Variants in ATAD2 observed in about 807,000 individuals in gnomAD.
ATAD2 encodes ATPase family AAA domain-containing protein 2.
In ATAD2, 62 loss-of-function variants were observed where a neutral mutation model predicts 168.9. The ratio of observed to expected loss-of-function variants is 0.37; its 90% confidence interval spans 0.30 to 0.45. ATAD2 has a LOEUF of 0.45. Among genes scored for constraint, ATAD2 ranks in the 20% least tolerant of loss-of-function variants. The pLI is 1.00. For missense variants in ATAD2, 1,419 were observed against 1,667.8 expected (o/e 0.85, Z 2.60); for synonymous variants, 613 against 571.6 (o/e 1.07, Z -1.03).
rs559445496 is a variant in ATAD2, at chr8:123,359,414, A to G, written c.1267-78T>C. Reference sequence around the variant, plus strand: ...TGTCACCCCACACCATACACAGTCAATGAAGTAATAATATCTTAATTGTGA... The same window carrying G: ...TGTCACCCCACACCATACACAGTCAGTGAAGTAATAATATCTTAATTGTGA... On this transcript the variant is annotated intron_variant, in intron 10 of 27. Transcript: ENST00000287394. 1.4e-4 allele frequency: 170 copies of G among 1,239,950 alleles called. No homozygotes were observed. The African/African-American group carries it at 2.4e-3, about 18-fold the overall frequency. 76.8% of individuals were successfully genotyped at this position (1,239,950 alleles called of 1,614,324 possible). A position where few individuals can be genotyped will look rare whatever the true frequency, so the allele number is the denominator to read the frequency against.
chr8:123,390,899 G>A (rs372639867), intron 1 of ATAD2, among the ~76,000 whole-genome samples: 6 of 152,096 alleles, frequency 3.9e-5, no homozygotes, highest in South Asian at 4.2e-4. Flanking sequence ...ATTGGAAGGC[G>A]CTTACAGCTA....
At chr8:123,344,541 G>GT (rs1828171733) in intron 19 of ATAD2, 1 of 236,522 alleles carries the variant, frequency 4.2e-6, no homozygotes, top group East Asian at 1.2e-4. Flanking sequence ...TAGGGACAGG[G>GT]TTTCACCCTG....
At chr8:123,371,429 C>T (rs1172072796) in intron 4 of ATAD2, 91 bp from the exon 5 acceptor site, 16 of 1,037,394 alleles carry the variant, frequency 1.5e-5, no homozygotes, top group Non-Finnish European at 2.1e-5. Flanking sequence ...AAACTTTTGG[C>T]ACTAAGGTTT....
chr8:123,347,524 G>T, intron 15 of ATAD2, 118 bp from the exon 16 acceptor site: 2 of 1,041,948 alleles, frequency 1.9e-6, no homozygotes, highest in Non-Finnish European at 2.7e-6. Flanking sequence ...AATATAGTTA[G>T]CAAATATTTA....
intron 9 of ATAD2, among the ~76,000 whole-genome samples, chr8:123,360,272 T>G (rs529816232): frequency 2.6e-5 from 4 of 152,338 alleles, no homozygotes; most frequent in African/African-American, 9.6e-5. Context: ...ATATTCGCAG[T>G]CTACCAGCAT....
chr8:123,377,686 TA>T (rs1189596066), intron 2 of ATAD2, among the ~76,000 whole-genome samples: 1 of 152,236 alleles, frequency 6.6e-6, no homozygotes, highest in Non-Finnish European at 1.5e-5. Flanking sequence ...ATAATTGCTA[TA>T]TATACTGCTG....
At chr8:123,403,406 G>GTT (rs113445655) in intron 1 of ATAD2, among the ~76,000 whole-genome samples, 4 of 140,162 alleles carry the variant, frequency 2.9e-5, no homozygotes, top group Non-Finnish European at 3.1e-5. Flanking sequence ...AGCCAGGAGG[G>GTT]TTTTTTTTTT....
intron 12 of ATAD2, 73 bp from the exon 13 acceptor site, chr8:123,356,550 T>G: frequency 1.0e-6 from 1 of 952,570 alleles, no homozygotes; most frequent in Non-Finnish European, 1.5e-6. Context: ...TAAACCATTT[T>G]AATAAATTCT....
At chr8:123,368,452 A>C (rs994880859) in intron 8 of ATAD2, among the ~76,000 whole-genome samples, 1 of 152,230 alleles carries the variant, frequency 6.6e-6, no homozygotes, top group Non-Finnish European at 1.5e-5. Context: ...AAATAAAATA[A>C]AAATAGAAGA....
At chr8:123,404,205 G>A (rs917961235) in intron 1 of ATAD2, among the ~76,000 whole-genome samples, 35 of 152,118 alleles carry the variant, frequency 2.3e-4, no homozygotes, top group Non-Finnish European at 4.6e-4. Context: ...CTTCCCATCA[G>A]CAACCAAAGT....
intron 1 of ATAD2, among the ~76,000 whole-genome samples, chr8:123,409,883 C>T (rs992653284): frequency 2.7e-5 from 4 of 148,440 alleles, no homozygotes; most frequent in African/African-American, 1.0e-4. Context: ...TTGCAGTGAG[C>T]CGAGATTGCA....
intron 21 of ATAD2, among the ~76,000 whole-genome samples, chr8:123,337,339 G>A (rs1255041647): frequency 2.0e-5 from 3 of 151,940 alleles, no homozygotes; most frequent in Admixed American, 2.0e-4. Flanking sequence ...TTCCAGCCCG[G>A]GCAACAGGAG....
chr8:123,364,094 A>G (rs1048903548), intron 8 of ATAD2, among the ~76,000 whole-genome samples: 5 of 152,218 alleles, frequency 3.3e-5, no homozygotes, highest in African/African-American at 1.2e-4. Context: ...AAGTACAGTT[A>G]TAATAGCAAA....
At chr8:123,381,297 C>T (rs1829485880) in intron 1 of ATAD2, among the ~76,000 whole-genome samples, 1 of 151,986 alleles carries the variant, frequency 6.6e-6, no homozygotes, top group Non-Finnish European at 1.5e-5. Flanking sequence ...TCACAAGTTC[C>T]AGAACAACAT....
At chr8:123,371,926 C>A (rs1018500547) in intron 3 of ATAD2, 91 bp from the exon 4 acceptor site, 115 of 1,228,754 alleles carry the variant, frequency 9.4e-5, no homozygotes, top group Non-Finnish European at 1.1e-4. Flanking sequence ...AAAAGCTATA[C>A]TTTCATGTAA....
chr8:123,356,223 A>C (rs11989296), intron 13 of ATAD2, 166 bp downstream of exon 13: 10,362 of 415,454 alleles, frequency 0.025, 921 homozygotes, highest in African/African-American at 0.19. Flanking sequence ...AGCCACTGCA[A>C]CCATCCACAT....
At chr8:123,415,910 AAT>A (rs1813262398) in intron 1 of ATAD2, among the ~76,000 whole-genome samples, 1 of 152,172 alleles carries the variant, frequency 6.6e-6, no homozygotes, top group Non-Finnish European at 1.5e-5. Flanking sequence ...CTATTTTAAC[AAT>A]ATGGTGTCTT....
chr8:123,323,731 A>G (rs1429391597), intron 26 of ATAD2, among the ~76,000 whole-genome samples: 1 of 152,232 alleles, frequency 6.6e-6, no homozygotes, highest in Non-Finnish European at 1.5e-5. Context: ...AAAAACTGCA[A>G]TTTAATACAT....
At chr8:123,375,800 A>G (rs527380943) in intron 2 of ATAD2, among the ~76,000 whole-genome samples, 31 of 151,846 alleles carry the variant, frequency 2.0e-4, no homozygotes, top group East Asian at 1.9e-3. Context: ...GTGAAACTCC[A>G]TATCTACTAA....
Sources: gnomAD v4.1 joint callset for allele counts (sites outside exome capture counted in the v4.1 genomes callset) on GRCh38, gnomAD v4.1.1 for gene constraint, MANE v1.5 for transcripts, NCBI Gene and HGNC (gene_info 2026-07-23, HGNC 2026-07-21) for gene names.